The following EIF3K variants were observed in gnomAD, a reference collection of about 807,000 sequenced individuals.
EIF3K encodes the protein eIF-3 p28.
Under a neutral mutation model 34.2 loss-of-function variants are expected in EIF3K, and 27 were observed. That is an observed-to-expected ratio of 0.79 (90% CI 0.58 to 1.09). The LOEUF (loss-of-function observed/expected upper bound fraction) is 1.09, where lower values mean the gene tolerates loss of function less well. Ranked by LOEUF, EIF3K falls within the 50% of genes least tolerant of loss-of-function variation. The pLI, the probability that EIF3K is intolerant of heterozygous loss-of-function variation, is 0.00. For missense variants in EIF3K, 232 were observed against 275.4 expected, an observed-to-expected ratio of 0.84 and a Z score of 1.11; for synonymous variants, 105 against 105.7, an observed-to-expected ratio of 0.99 and a Z score of 0.04.
intron 2 of EIF3K, among the ~76,000 whole-genome samples, chr19:38,622,922 T>G (rs572865805): frequency 6.6e-6 from 1 of 152,394 alleles, no homozygotes; most frequent in South Asian, 2.1e-4. Flanking sequence ...AGGTTCTCTC[T>G]CTCATTCCCG....
rs369039219 is a variant in EIF3K, at chr19:38,619,248, T to C, written c.-21T>C. On this transcript the variant is annotated 5_prime_UTR_variant, in exon 1 of 8. Transcript: ENST00000248342. ...GGTCAGTGTTAGCCTCCAGCCCTGGTTGTGGAAGGCGACAGAAGTCATGGC... is the reference window on the plus strand; with the variant it reads ...GGTCAGTGTTAGCCTCCAGCCCTGGCTGTGGAAGGCGACAGAAGTCATGGC... The C allele has an allele frequency of 4.3e-5, 70 of 1,613,400 alleles. No individual in the cohort carries two copies. In the African/African-American group the frequency reaches 6.0e-4, roughly 14 times the overall value.
Position 38,620,382 on chromosome 19 carries a change from G to A in EIF3K, c.105G>A (p.Thr35=), listed in dbSNP as rs756123388. The A allele has an allele frequency of 9.9e-6, 16 of 1,614,050 alleles. No individual in the cohort carries two copies. In the East Asian group the frequency reaches 2.5e-4, roughly 25 times the overall value. ...CCACCCTGGAGCGCTATGTAGAGAC[G>A]CAGGCCAAGGAAAATGCCTATGATC... The part of the protein sequence containing the change: ...NLATLERYVE[T]QAKENAYDLE... Residue 35 remains threonine, a synonymous_variant, in exon 2 of 8, where the codon ACG becomes ACA. Transcript: ENST00000248342.
At chr19:38,628,764 C>T (rs546191131) in intron 4 of EIF3K, among the ~76,000 whole-genome samples, 11 of 151,788 alleles carry the variant, frequency 7.2e-5, no homozygotes, top group Non-Finnish European at 1.6e-4. Flanking sequence ...GCGGAGATTG[C>T]GGTGAGCCGA....
chr19:38,619,200 C>T lies in EIF3K; in HGVS notation c.-69C>T. 1 of 1,566,470 alleles carries T rather than the reference C, an allele frequency of 6.4e-7. No individual in the cohort carries two copies. Among genetic ancestry groups the T allele is most frequent in the South Asian group, 1.1e-5 (1 of 88,654 alleles). ...CCGTTTCCACCACCTCTTCCTGTTC[C>T]CGTCCTTGAGGACGCCGTGCCGGGT... On this transcript the variant is annotated 5_prime_UTR_variant, in exon 1 of 8. Transcript: ENST00000248342.
intron 2 of EIF3K, among the ~76,000 whole-genome samples, chr19:38,620,757 G>A (rs1975821731): frequency 6.6e-6 from 1 of 152,110 alleles, no homozygotes; most frequent in Non-Finnish European, 1.5e-5. Flanking sequence ...AGCCAGGCGT[G>A]GTGCCACATG....
chr19:38,630,854 T>G (rs1976049372), intron 4 of EIF3K: 1 of 151,950 alleles, frequency 6.6e-6, no homozygotes. Context: ...TTTTGTAATT[T>G]TAGTAGAGTC....
At chr19:38,632,341 C>G in intron 4 of EIF3K, 89 bp from the exon 5 acceptor site, 5 of 1,289,828 alleles carry the variant, frequency 3.9e-6, no homozygotes, top group Non-Finnish European at 5.5e-6. Context: ...GCCTGGGCAA[C>G]GTAGTGAGAC....
intron 7 of EIF3K, among the ~76,000 whole-genome samples, chr19:38,636,300 G>T (rs916500988): frequency 4.6e-5 from 7 of 152,220 alleles, no homozygotes; most frequent in Middle Eastern, 3.4e-3. Flanking sequence ...GGGAGTAGAC[G>T]GGAGGGTTCC....
At chr19:38,622,238 T>TGTGACTAGAG (rs148431765) in intron 2 of EIF3K, among the ~76,000 whole-genome samples, 4,538 of 152,224 alleles carry the variant, frequency 0.03, 181 homozygotes, top group African/African-American at 0.098. Flanking sequence ...CCTAAGTAGC[T>TGTGACTAGAG]GTACGTATCG....
intron 3 of EIF3K, among the ~76,000 whole-genome samples, chr19:38,625,598 C>T (rs1300284281): frequency 1.3e-5 from 2 of 151,800 alleles, no homozygotes; most frequent in African/African-American, 4.9e-5. Context: ...CAACCTCCTC[C>T]TCCCGGGTTC....
Position 38,626,049 on chromosome 19 carries a change from C to T in EIF3K, c.301C>T (p.Gln101Ter). 6.2e-7 allele frequency: 1 copy of T among 1,614,170 alleles called. No individual in the cohort carries two copies. The highest frequency in any genetic ancestry group is 1.1e-5 in the South Asian group (1 of 91,084). ...CCAGCAAGAAGAACGGCCAATCCGACAGATTTTGTACCTCGGGGACCTGCT... is the reference window on the plus strand; with the variant it reads ...CCAGCAAGAAGAACGGCCAATCCGATAGATTTTGTACCTCGGGGACCTGCT... ...QAHQEERPIR[Q>*]ILYLGDLLET... Residue 101 changes from glutamine to a stop codon, truncating the protein, a stop_gained, in exon 4 of 8, where the codon CAG becomes TAG. Coordinates refer to ENST00000248342, the MANE Select transcript of EIF3K (RefSeq NM_013234.4). LOFTEE classifies it high-confidence loss of function.
At chr19:38,621,197 TAA>T (rs34987023) in intron 2 of EIF3K, among the ~76,000 whole-genome samples, 98 of 120,012 alleles carry the variant, frequency 8.2e-4, no homozygotes, top group Admixed American at 3.5e-3. Flanking sequence ...CCCCTCTTTT[TAA>T]AAAAAAAAAA....
At chr19:38,629,337 C>T (rs1259714482) in intron 4 of EIF3K, among the ~76,000 whole-genome samples, 2 of 152,006 alleles carry the variant, frequency 1.3e-5, no homozygotes, top group Non-Finnish European at 2.9e-5. Context: ...CTCTGTCGCC[C>T]AGGCCGCAGT....
intron 3 of EIF3K, 146 bp downstream of exon 3, chr19:38,624,343 G>A: frequency 1.5e-6 from 2 of 1,302,830 alleles, no homozygotes; most frequent in Non-Finnish European, 1.0e-6. Context: ...GGACAGTGCT[G>A]GGACACTGGT....
In EIF3K at chr19:38,626,089, T is replaced by G; in HGVS notation, c.341T>G (p.Phe114Cys). The G allele has an allele frequency of 6.2e-7, 1 of 1,614,134 alleles. No individual in the cohort carries two copies. The highest frequency in any genetic ancestry group is 1.1e-5 in the South Asian group (1 of 91,076). The part of the protein sequence containing the change: ...YLGDLLETCH[F>C]QAFWQALDEN... ...GGGGACCTGCTGGAGACCTGCCATT[T>G]CCAGGCCTTCTGGGTAACTTCCCTG... is the stretch of plus-strand genomic sequence containing the variant. Residue 114 changes from phenylalanine (F) to cysteine (C), a missense_variant, in exon 4 of 8, where the codon TTC becomes TGC. Coordinates refer to ENST00000248342, the MANE Select transcript of EIF3K (RefSeq NM_013234.4).
intron 7 of EIF3K, 96 bp downstream of exon 7, chr19:38,635,214 C>T (rs745821120): frequency 1.4e-5 from 21 of 1,555,196 alleles, no homozygotes; most frequent in Non-Finnish European, 1.8e-5. Context: ...TAGATCTGCT[C>T]GTGTTCTGGG....
At chr19:38,619,738 A>G (rs1177879199) in intron 1 of EIF3K, among the ~76,000 whole-genome samples, 4 of 152,156 alleles carry the variant, frequency 2.6e-5, no homozygotes, top group Non-Finnish European at 5.9e-5. Context: ...TCTGCTCTAT[A>G]AGTCATTCAT....
intron 2 of EIF3K, among the ~76,000 whole-genome samples, chr19:38,620,848 C>T (rs1490362648): frequency 6.6e-6 from 1 of 151,810 alleles, no homozygotes; most frequent in Non-Finnish European, 1.5e-5. Flanking sequence ...GAACCAAGAT[C>T]GCGCCATTGC....
chr19:38,634,890 G>C, intron 6 of EIF3K, 103 bp from the exon 7 acceptor site: 7 of 1,532,262 alleles, frequency 4.6e-6, no homozygotes, highest in Non-Finnish European at 5.3e-6. Flanking sequence ...GTGGGCAAGG[G>C]GGGCTGCCCT....
Sources: gnomAD v4.1 joint callset for allele counts (sites outside exome capture counted in the v4.1 genomes callset) on GRCh38, gnomAD v4.1.1 for gene constraint, MANE v1.5 for transcripts, NCBI Gene and HGNC (gene_info 2026-07-23, HGNC 2026-07-21) for gene names.